Variants in RASEF observed in about 807,000 individuals in gnomAD.
The protein encoded by RASEF is RAS and EF-hand domain containing, also known as ras and EF-hand domain-containing protein.
In RASEF, 68 loss-of-function variants were observed where a neutral mutation model predicts 90.1. The observed-to-expected ratio is 0.75, with a 90% CI of 0.62 to 0.92. The LOEUF (loss-of-function observed/expected upper bound fraction) is 0.92, where lower values mean the gene tolerates loss of function less well. RASEF is among the 40% of genes least tolerant of loss of function. The pLI, the probability that RASEF is intolerant of heterozygous loss-of-function variation, is 0.00. For missense variants in RASEF, 949 were observed against 937.2 expected (o/e 1.01, Z -0.16); for synonymous variants, 331 against 345.2 (o/e 0.96, Z 0.46).
the RASEF span, among the ~76,000 whole-genome samples, chr9:83,191,704 T>G: frequency 6.6e-6 from 1 of 152,192 alleles, no homozygotes; most frequent in South Asian, 2.1e-4. Context: ...TTTGAGGGAT[T>G]ACCAACTTCA....
At position 83,062,784 on chromosome 9, in the gene RASEF, C is replaced by G. The variant is rs568706759; in HGVS notation, c.84G>C (p.Leu28=). 2.0e-4 allele frequency: 313 copies of G among 1,557,658 alleles called. No individual in the cohort carries two copies. The African/African-American group carries it at 3.9e-3, about 20-fold the overall frequency. The part of the protein sequence containing the change: ...AACDANRSGR[L]EREEFRALCT... Reference sequence around the variant, plus strand: ...ACAGTGCCCGGAACTCCTCGCGCTCCAGGCGCCCCGAGCGGTTCGCGTCGC... The same window carrying G: ...ACAGTGCCCGGAACTCCTCGCGCTCGAGGCGCCCCGAGCGGTTCGCGTCGC... Residue 28 remains leucine, a synonymous_variant, in exon 1 of 17, where the codon CTG becomes CTC. Coordinates refer to ENST00000376447, the MANE Select transcript of RASEF (RefSeq NM_152573.4).
rs371859602 is a variant in RASEF, at chr9:83,003,477, G to A, written c.1202+1021C>T. ...TATACCTTTCCCCCCAATTTGCTTA[G>A]AATCAGTTTTAAATATTAGTCAAAA... On this transcript the variant is annotated intron_variant, in intron 9 of 16. Coordinates refer to ENST00000376447, the MANE Select transcript of RASEF (RefSeq NM_152573.4). Among the ~76,000 whole-genome samples, 285 of 152,230 alleles carry A rather than the reference G, an allele frequency of 1.9e-3. 1 individual carries two copies. Among genetic ancestry groups the A allele is most frequent in the Admixed American group, 4.8e-3 (73 of 15,280 alleles).
rs192321018 is a variant in RASEF, at chr9:82,988,833, A to G, written c.2117+1558T>C. 1.2e-4 allele frequency among the ~76,000 whole-genome samples: 18 copies of G among 152,332 alleles called. 1 individual carries two copies. The East Asian group carries it at 3.5e-3, about 29-fold the overall frequency. On this transcript the variant is annotated intron_variant, in intron 16 of 16. Transcript: ENST00000376447. ...AGCCAATTGAACCTATTTTCTTTAT[A>G]AATTGCAGTCTCGGGTATTCCTTTA...
the RASEF span, among the ~76,000 whole-genome samples, chr9:83,095,959 G>A: frequency 6.6e-6 from 1 of 152,114 alleles, no homozygotes; most frequent in Non-Finnish European, 1.5e-5. Context: ...ACAGCTCCAT[G>A]CCAGCACATG....
the RASEF span, among the ~76,000 whole-genome samples, chr9:83,114,414 T>G: frequency 6.6e-6 from 1 of 152,268 alleles, no homozygotes; most frequent in South Asian, 2.1e-4. Context: ...GCATGTGTGT[T>G]TGAACAATAT....
intron 3 of RASEF, among the ~76,000 whole-genome samples, chr9:83,019,376 C>T (rs1443371305): frequency 1.3e-5 from 2 of 152,156 alleles, no homozygotes; most frequent in Admixed American, 6.5e-5. Context: ...AGATCCTCCA[C>T]ACAACTAGTC....
chr9:83,001,791 C>T (rs2118450617), intron 9 of RASEF, among the ~76,000 whole-genome samples: 1 of 152,204 alleles, frequency 6.6e-6, no homozygotes, highest in Middle Eastern at 3.4e-3. Context: ...TTAGAAACAT[C>T]TGATAAAAAT....
chr9:83,091,675 C>T, the RASEF span, among the ~76,000 whole-genome samples: 268 of 152,306 alleles, frequency 1.8e-3, 2 homozygotes, highest in African/African-American at 6.0e-3. Context: ...TTATCCATTT[C>T]CTCAAGTAGC....
the RASEF span, among the ~76,000 whole-genome samples, chr9:83,094,359 G>A: frequency 6.4e-4 from 93 of 145,690 alleles, 8 homozygotes; most frequent in African/African-American, 2.2e-3. Flanking sequence ...TTGATTATAT[G>A]TTAAAATGAT....
chr9:83,004,163 T>C (rs1235596370), intron 9 of RASEF, among the ~76,000 whole-genome samples: 3 of 152,190 alleles, frequency 2.0e-5, no homozygotes, highest in Non-Finnish European at 4.4e-5. Context: ...CAACATTATA[T>C]ACCAGAAACA....
At chr9:83,029,480 C>T (rs1379361778) in intron 1 of RASEF, among the ~76,000 whole-genome samples, 1 of 151,586 alleles carries the variant, frequency 6.6e-6, no homozygotes, top group Non-Finnish European at 1.5e-5. Flanking sequence ...GCAACCTCCG[C>T]CTCCCAGGTT....
the RASEF span, among the ~76,000 whole-genome samples, chr9:83,069,923 T>C: frequency 6.6e-6 from 1 of 152,208 alleles, no homozygotes; most frequent in African/African-American, 2.4e-5. Context: ...GCACAACTTT[T>C]CATATGTCTA....
chr9:83,147,643 G>A, the RASEF span, among the ~76,000 whole-genome samples: 2 of 152,108 alleles, frequency 1.3e-5, no homozygotes, highest in African/African-American at 4.8e-5. Flanking sequence ...GTGTTACAGT[G>A]CTCCTTTAGC....
the RASEF span, among the ~76,000 whole-genome samples, chr9:83,177,487 G>A: frequency 2.6e-5 from 4 of 152,076 alleles, no homozygotes; most frequent in Admixed American, 6.6e-5. Context: ...TGGTTGACAG[G>A]TGTTGTTTGT....
At chr9:83,178,023 T>C in the RASEF span, among the ~76,000 whole-genome samples, 1 of 152,164 alleles carries the variant, frequency 6.6e-6, no homozygotes, top group Admixed American at 6.5e-5. Flanking sequence ...AAATTTACTG[T>C]TAGGCACCTA....
In RASEF at chr9:83,001,032, C is replaced by A. The variant is rs1475029909; in HGVS notation, c.1301G>T (p.Ser434Ile). The change falls in exon 10 of 17, where the codon AGC (serine) becomes ATC (isoleucine). Residue 434 changes from serine (S) to isoleucine (I), a missense_variant. Ser to Ile is a moderately radical substitution (Grantham distance 142, BLOSUM62 -2). Transcript: ENST00000376447. ...TNCEVDSLPESCFDSGLSTLR... is the reference protein window; with the variant it reads ...TNCEVDSLPEICFDSGLSTLR... ...GGTAGACAAGCCGCTGTCGAAGCAGCTTTCAGGCAGGCTGTCAACTTCACA... is the reference window on the plus strand; with the variant it reads ...GGTAGACAAGCCGCTGTCGAAGCAGATTTCAGGCAGGCTGTCAACTTCACA... 4 of 1,614,176 alleles carry A rather than the reference C, an allele frequency of 2.5e-6. No homozygotes were observed. The highest frequency in any genetic ancestry group is 4.5e-5 in the East Asian group (2 of 44,870).
At chr9:83,109,298 G>A in the RASEF span, among the ~76,000 whole-genome samples, 1 of 152,156 alleles carries the variant, frequency 6.6e-6, no homozygotes, top group African/African-American at 2.4e-5. Flanking sequence ...AAATGGTTTA[G>A]GCTTCCTGGG....
chr9:83,199,816 T>C, the RASEF span, among the ~76,000 whole-genome samples: 1 of 152,080 alleles, frequency 6.6e-6, no homozygotes. Context: ...AGCAGAGAAA[T>C]GGGCAGGGAA....
At chr9:83,076,318 T>C in the RASEF span, among the ~76,000 whole-genome samples, 2 of 152,144 alleles carry the variant, frequency 1.3e-5, no homozygotes, top group Non-Finnish European at 2.9e-5. Context: ...TTTTCACTAA[T>C]GTAGTAATTA....
Sources: allele counts gnomAD v4.1 joint callset (sites outside exome capture counted in the v4.1 genomes callset), GRCh38; gene constraint gnomAD v4.1.1; transcripts MANE v1.5; gene names NCBI Gene and HGNC (gene_info 2026-07-23, HGNC 2026-07-21).